RP1: variants seen among roughly 807,000 people sequenced by gnomAD.
RP1 encodes RP1 axonemal microtubule associated, also known as oxygen-regulated protein 1.
Under a neutral mutation model 14.8 loss-of-function variants are expected in RP1, and 16 were observed. The ratio of observed to expected loss-of-function variants is 1.08; its 90% CI spans 0.73 to 1.65. The LOEUF (loss-of-function observed/expected upper bound fraction) is 1.65. Among genes scored for constraint, RP1 ranks in the 40% most tolerant of loss-of-function variants. RP1 has a pLI of 0.00. For synonymous variants in RP1, 876 were observed against 883.6 expected (o/e 0.99, Z 0.15); for missense variants, 2,631 against 2,535.0 (o/e 1.04, Z -0.81).
At chr8:54,863,700 C>T (rs1422288430) in intron 27 of RP1, among the ~76,000 whole-genome samples, 1 of 152,214 alleles carries the variant, frequency 6.6e-6, no homozygotes, top group Non-Finnish European at 1.5e-5. Context: ...GCACAAATTT[C>T]AGTTGCAATG....
At chr8:54,634,747 GA>G (rs1402409893), downstream of RP1, among the ~76,000 whole-genome samples, 4 of 152,270 alleles carry the variant, frequency 2.6e-5, no homozygotes, top group African/African-American at 9.6e-5. Context: ...TCTTGTTCTA[GA>G]CAAAAATTAG....
At position 54,626,601 on chromosome 8, in the gene RP1, A is replaced by G. The variant is rs1444502867; in HGVS notation, c.2719A>G (p.Ile907Val). Residue 907 changes from isoleucine (I) to valine (V), a missense_variant, in exon 4 of 4, where the codon ATT becomes GTT. By Grantham distance (29) the Ile-to-Val change is conservative (BLOSUM62 3). Transcript: ENST00000220676. ...GAAAAAACCTGATTTTCCTGAGGCT[A>G]TTGCTCATCATTCAATTCAAAATTA... ...SLKKPDFPEA[I>V]AHHSIQNYIQ... 2.5e-6 allele frequency: 4 copies of G among 1,613,526 alleles called. No homozygotes were observed. The highest frequency in any genetic ancestry group is 2.7e-5 in the African/African-American group (2 of 74,876).
intron 17 of RP1, among the ~76,000 whole-genome samples, chr8:54,728,857 T>C (rs1336204417): frequency 6.6e-6 from 1 of 152,118 alleles, no homozygotes; most frequent in Non-Finnish European, 1.5e-5. Flanking sequence ...AATGGACAAA[T>C]GAACCCCCAT....
At chr8:54,634,536 T>G (rs1806311783), downstream of RP1, among the ~76,000 whole-genome samples, 2 of 152,266 alleles carry the variant, frequency 1.3e-5, no homozygotes, top group South Asian at 4.1e-4. Context: ...ATTTCTTTTT[T>G]GTCCATTTCA....
At chr8:54,822,467 G>T (rs1015234924) in intron 24 of RP1, among the ~76,000 whole-genome samples, 1 of 151,770 alleles carries the variant, frequency 6.6e-6, no homozygotes, top group African/African-American at 2.4e-5. Flanking sequence ...TTAAATGATG[G>T]GTAAATTCCA....
At chr8:54,797,873 CTT>C (rs71254593) in intron 24 of RP1, among the ~76,000 whole-genome samples, 173 of 112,230 alleles carry the variant, frequency 1.5e-3, no homozygotes, top group Middle Eastern at 6.6e-3. Flanking sequence ...GTTTCCCAAC[CTT>C]TTTTTTTTTT....
At chr8:54,820,952 C>T (rs746617236) in intron 24 of RP1, among the ~76,000 whole-genome samples, 47 of 151,890 alleles carry the variant, frequency 3.1e-4, no homozygotes, top group Admixed American at 1.3e-4. Context: ...TATCCTTAGG[C>T]GAAGCAGCAA....
chr8:54,622,898 G>A (rs1364010977), intron 3 of RP1, among the ~76,000 whole-genome samples: 6 of 152,188 alleles, frequency 3.9e-5, no homozygotes, highest in Admixed American at 1.3e-4. Context: ...TCAGGCCCAG[G>A]GATGTGGGAT....
At chr8:54,780,630 C>A (rs1257391205) in intron 23 of RP1, among the ~76,000 whole-genome samples, 2 of 152,112 alleles carry the variant, frequency 1.3e-5, no homozygotes, top group East Asian at 3.8e-4. Flanking sequence ...GTTACCTAAA[C>A]AATACATTCT....
intron 25 of RP1, among the ~76,000 whole-genome samples, chr8:54,850,261 C>T (rs1812029948): frequency 6.6e-6 from 1 of 152,086 alleles, no homozygotes; most frequent in South Asian, 2.1e-4. Context: ...TTAGTAATAC[C>T]TGTCTTTGAA....
intron 19 of RP1, among the ~76,000 whole-genome samples, chr8:54,751,193 C>G (rs1246261045): frequency 6.6e-6 from 1 of 152,228 alleles, no homozygotes; most frequent in African/African-American, 2.4e-5. Flanking sequence ...AAATAACTTC[C>G]TATGGCTAAT....
At chr8:54,605,791 T>C (rs1805424150) in intron 1 of RP1, among the ~76,000 whole-genome samples, 1 of 152,238 alleles carries the variant, frequency 6.6e-6, no homozygotes, top group Non-Finnish European at 1.5e-5. Context: ...TACCATTATG[T>C]AATGGCCTTC....
intron 1 of RP1, among the ~76,000 whole-genome samples, chr8:54,584,165 G>T (rs567885177): frequency 1.7e-4 from 26 of 152,292 alleles, no homozygotes; most frequent in African/African-American, 5.8e-4. Flanking sequence ...TCTGCACACT[G>T]CTTTGAATGT....
chr8:54,688,458 A>C (rs1585607872), intron 12 of RP1, among the ~76,000 whole-genome samples: 2 of 152,162 alleles, frequency 1.3e-5, no homozygotes, highest in African/African-American at 2.4e-5. Flanking sequence ...CTAACATTTA[A>C]GTCTTTAATC....
intron 27 of RP1, among the ~76,000 whole-genome samples, chr8:54,861,641 T>C (rs1216081097): frequency 6.6e-6 from 1 of 152,164 alleles, no homozygotes; most frequent in Non-Finnish European, 1.5e-5. Flanking sequence ...CTCACTCTGT[T>C]GCCCAGGCTG....
rs373335610 is a variant in RP1, at chr8:54,856,538, C to A, written c.3991-490C>A. ...TGGAAAACACCAATTCTGGTGATAG[C>A]TTCCTGAGTCTGAGACTTGGCTCCT... On this transcript the variant is annotated intron_variant, in intron 26 of 28. Transcript: ENST00000637698. Among the ~76,000 whole-genome samples, 3 of 152,286 alleles carry A rather than the reference C, an allele frequency of 2.0e-5. No individual in the cohort carries two copies. In the South Asian group the frequency reaches 6.2e-4, roughly 32 times the overall value.
intron 24 of RP1, among the ~76,000 whole-genome samples, chr8:54,787,629 GA>G (rs968368107): frequency 3.9e-5 from 6 of 152,182 alleles, no homozygotes; most frequent in African/African-American, 1.4e-4. Context: ...CCGTTGCTGG[GA>G]AAAAGTTAGT....
rs1431871115 is a variant in RP1 at position 54,627,974 on chromosome 8, A to G, written c.4092A>G (p.Arg1364=). ...TGGATTCAACTGAAGAGTTAGAAAG[A>G]GGTGATGACATTCAGAAAGATCTAA... The part of the protein sequence containing the change: ...DNLDSTEELE[R]GDDIQKDLNI... Residue 1364 remains arginine, a synonymous_variant, in exon 4 of 4, where the codon AGA becomes AGG. Coordinates refer to ENST00000220676, the MANE Select transcript of RP1 (RefSeq NM_006269.2). 5.0e-6 allele frequency: 8 copies of G among 1,614,010 alleles called. No homozygotes were observed. Among genetic ancestry groups the G allele is most frequent in the Non-Finnish European group, 6.8e-6 (8 of 1,179,976 alleles).
chr8:54,817,539 A>AGTCAGAGTAAT (rs2129395552), intron 24 of RP1, among the ~76,000 whole-genome samples: 1 of 152,336 alleles, frequency 6.6e-6, no homozygotes, highest in East Asian at 1.9e-4. Context: ...GAATGGGTGG[A>AGTCAGAGTAAT]GTCAGAGTAA....
Sources: gnomAD v4.1 joint callset for allele counts (sites outside exome capture counted in the v4.1 genomes callset) on GRCh38, gnomAD v4.1.1 for gene constraint, MANE v1.5 for transcripts, NCBI Gene and HGNC (gene_info 2026-07-23, HGNC 2026-07-21) for gene names.